CCNT1: variants seen among roughly 807,000 people sequenced by gnomAD.
The protein encoded by CCNT1 is cyclin-T1.
A neutral mutation model predicts 67.3 loss-of-function variants in CCNT1; 18 were observed. That is an observed-to-expected ratio of 0.27 (90% CI 0.18 to 0.40). CCNT1 has a LOEUF of 0.40. Ranked by LOEUF, CCNT1 falls within the 10% of genes least tolerant of loss-of-function variation. The pLI, the probability that CCNT1 is intolerant of heterozygous loss-of-function variation, is 1.00. For synonymous variants in CCNT1, 333 were observed against 310.3 expected, an observed-to-expected ratio of 1.07 and a Z score of -0.77; for missense variants, 744 against 884.9, an observed-to-expected ratio of 0.84 and a Z score of 2.02.
At position 48,693,352 on chromosome 12, in the gene CCNT1, C is replaced by T. The variant is rs1251189662; in HGVS notation, c.1862G>A (p.Ser621Asn). The change falls in exon 9 of 9, where the codon AGT becomes AAT. Residue 621 changes from serine (S) to asparagine (N), a missense_variant. Around this residue, in one of 3 missense-constraint regions of CCNT1, gnomAD observed 564 missense variants for 574.2 expected, o/e 0.98. Coordinates refer to ENST00000261900, the MANE Select transcript of CCNT1 (RefSeq NM_001240.4). Reference sequence around the variant, plus strand: ...GCTGGGCTGTGAAAAGGAAAGGCCACTTGTGTCTGAGCTATGCCCAGGCAT... The same window carrying T: ...GCTGGGCTGTGAAAAGGAAAGGCCATTTGTGTCTGAGCTATGCCCAGGCAT... ...GQMPGHSSDTSGLSFSQPSCK... is the reference protein window; with the variant it reads ...GQMPGHSSDTNGLSFSQPSCK... 4.3e-6 allele frequency: 7 copies of T among 1,614,098 alleles called. No homozygotes were observed. In the African/African-American group the frequency reaches 9.3e-5, roughly 22 times the overall value.
At chr12:48,701,337 T>C (rs1940265820) in intron 3 of CCNT1, among the ~76,000 whole-genome samples, 1 of 148,472 alleles carries the variant, frequency 6.7e-6, no homozygotes, top group South Asian at 2.2e-4. Flanking sequence ...GCAATTCCCC[T>C]GCCTCAGCCT....
rs201549674 is a variant in CCNT1, at chr12:48,701,516, TA to T, written c.373-444del. Among the ~76,000 whole-genome samples, 363 of 152,274 alleles carry T rather than the reference TA, an allele frequency of 2.4e-3. 6 individuals are homozygous for T. The East Asian group carries it at 0.03, about 13-fold the overall frequency. The stretch of plus-strand genomic sequence containing the variant: ...ATATATGGCTACAGAAAAAGCACCA[TA>T]TATTTGGTTCATTTTCAGGTTAATA... On this transcript the variant is annotated intron_variant, in intron 3 of 8. Coordinates refer to ENST00000261900, the MANE Select transcript of CCNT1 (RefSeq NM_001240.4).
At chr12:48,696,277 T>C (rs1410330633) in intron 6 of CCNT1, 115 bp from the exon 7 acceptor site, 1 of 580,814 alleles carries the variant, frequency 1.7e-6, no homozygotes. Context: ...GGCTTAAAAA[T>C]AGACAGGAGA....
chr12:48,690,640 G>C lies in CCNT1; in HGVS notation c.*2393C>G, dbSNP rs1256092962. ...GACCTATGTCAGCAATGATCTACTA[G>C]TGCAAAGGCCGGACTACACGGCACA... On this transcript the variant is annotated 3_prime_UTR_variant, in exon 9 of 9. Coordinates refer to ENST00000261900, the MANE Select transcript of CCNT1 (RefSeq NM_001240.4). 6.6e-6 allele frequency: 1 copy of C among 152,204 alleles called. No homozygotes were observed. Among genetic ancestry groups the C allele is most frequent in the African/African-American group, 2.4e-5 (1 of 41,442 alleles). 9.4% of individuals were successfully genotyped at this position (152,204 alleles called of 1,614,324 possible). A position where few individuals can be genotyped will look rare whatever the true frequency, so the allele number is the denominator to read the frequency against.
chr12:48,703,357 TCAGGTCAGGAGTTCGAGACCA>T (rs1399585487), intron 3 of CCNT1, among the ~76,000 whole-genome samples: 1 of 151,528 alleles, frequency 6.6e-6, no homozygotes, highest in Non-Finnish European at 1.5e-5. Flanking sequence ...GTGGATAACC[TCAGGTCAGGAGTTCGAGACCA>T]GCCTGACCAA....
chr12:48,707,490 G>C (rs1592124669), intron 2 of CCNT1, among the ~76,000 whole-genome samples: 1 of 151,720 alleles, frequency 6.6e-6, no homozygotes, highest in South Asian at 2.1e-4. Context: ...TCCCTACATT[G>C]TCCAGGCTGC....
chr12:48,713,227 G>T lies in CCNT1; in HGVS notation c.243+1216C>A, dbSNP rs571416996. On this transcript the variant is annotated intron_variant, in intron 2 of 8. Transcript: ENST00000261900. ...TTTTTTTTTTTTTTGTAGAAACGGG[G>T]TCTCACCGTGTTGCCCAGGCTGGTC... Among the ~76,000 whole-genome samples the T allele has an allele frequency of 2.1e-5, 3 of 145,368 alleles. No individual in the cohort carries two copies. The Middle Eastern group carries it at 0.011, about 519-fold the overall frequency.
At chr12:48,705,461 C>T (rs1236490754) in intron 3 of CCNT1, among the ~76,000 whole-genome samples, 2 of 150,554 alleles carry the variant, frequency 1.3e-5, no homozygotes, top group East Asian at 2.0e-4. Context: ...AATATAGAGA[C>T]AGGGTCTTGC....
chr12:48,714,738 A>C (rs1940507984), intron 1 of CCNT1, among the ~76,000 whole-genome samples: 1 of 152,282 alleles, frequency 6.6e-6, no homozygotes, highest in Admixed American at 6.5e-5. Context: ...CACATAACAA[A>C]TATTTAATAT....
intron 4 of CCNT1, among the ~76,000 whole-genome samples, chr12:48,700,687 A>G (rs954259299): frequency 2.6e-5 from 4 of 152,370 alleles, no homozygotes; most frequent in South Asian, 2.1e-4. Context: ...GTTACAGGCC[A>G]TAACAATCCA....
chr12:48,708,977 T>C (rs1015476520), intron 2 of CCNT1, among the ~76,000 whole-genome samples: 14 of 152,068 alleles, frequency 9.2e-5, no homozygotes, highest in Non-Finnish European at 1.5e-4. Context: ...GTAGTCTTGG[T>C]AAGGTGGAAG....
rs753595809 is a variant in CCNT1, at chr12:48,693,740, T to C, written c.1474A>G (p.Lys492Glu). Residue 492 changes from lysine (K) to glutamate (E), a missense_variant, in exon 9 of 9, where the codon AAG becomes GAG. Around this residue, in one of 3 missense-constraint regions of CCNT1, gnomAD observed 564 missense variants for 574.2 expected, o/e 0.98. Coordinates refer to ENST00000261900, the MANE Select transcript of CCNT1 (RefSeq NM_001240.4). The part of the protein sequence containing the change: ...MRIKVHAAAD[K>E]HNSVEDSVTK... ...ACACTGTCCTCTACAGAATTGTGCT[T>C]ATCAGCTGCAGCATGGACTTTTATG... is the stretch of plus-strand genomic sequence containing the variant. The C allele has an allele frequency of 6.2e-7, 1 of 1,614,168 alleles. No homozygotes were observed. Among genetic ancestry groups the C allele is most frequent in the Admixed American group, 1.7e-5 (1 of 60,020 alleles).
chr12:48,698,657 TAAG>T (rs1331210873), intron 5 of CCNT1, among the ~76,000 whole-genome samples: 6 of 152,172 alleles, frequency 3.9e-5, no homozygotes, highest in Admixed American at 3.9e-4. Context: ...CTTTTGCTGT[TAAG>T]AAAGTTTTTA....
In CCNT1 at chr12:48,691,944, C is replaced by G. The variant is rs1940081197; in HGVS notation, c.*1089G>C. 1 of 152,080 alleles carries G rather than the reference C, an allele frequency of 6.6e-6. No individual in the cohort carries two copies. The highest frequency in any genetic ancestry group is 1.5e-5 in the Non-Finnish European group (1 of 68,026). 9.4% of individuals were successfully genotyped at this position (152,080 alleles called of 1,614,324 possible). ...CCCATATGGTTTGGGCTTTCACAGG[C>G]AGGATATACATAGCACATTCCCCAT... On this transcript the variant is annotated 3_prime_UTR_variant, in exon 9 of 9. Transcript: ENST00000261900.
chr12:48,716,598 A>T lies in CCNT1; in HGVS notation c.78T>A (p.Arg26=). 1.2e-6 allele frequency: 2 copies of T among 1,614,242 alleles called. No individual in the cohort carries two copies. Among genetic ancestry groups the T allele is most frequent in the Admixed American group, 3.3e-5 (2 of 60,026 alleles). ...GTTCTTTATCTGGGTCCACGCCAAA[A>T]CGACGGGATGGGCTATTTTCCAGCT... ...REQLENSPSR[R]FGVDPDKELS... is the part of the protein sequence containing the mutation. The change falls in exon 1 of 9, where the codon CGT becomes CGA. Residue 26 remains arginine, a synonymous_variant. Coordinates refer to ENST00000261900, the MANE Select transcript of CCNT1 (RefSeq NM_001240.4).
intron 2 of CCNT1, among the ~76,000 whole-genome samples, chr12:48,709,012 G>A (rs1940407959): frequency 6.6e-6 from 1 of 152,170 alleles, no homozygotes; most frequent in Non-Finnish European, 1.5e-5. Flanking sequence ...AGGACATGGA[G>A]GCTGCAGTGA....
At chr12:48,695,503 A>G (rs1940156401) in intron 8 of CCNT1, among the ~76,000 whole-genome samples, 1 of 152,188 alleles carries the variant, frequency 6.6e-6, no homozygotes, top group Non-Finnish European at 1.5e-5. Context: ...CAGTTTCCAC[A>G]CAGAAAATAC....
rs144581111 is a variant in CCNT1, at chr12:48,698,020, C to A, written c.542+118G>T. ...AGTACCATGGAAATTTAAAGTACAACATGAAAACTGTGCAGAAAAATCAAC... is the reference window on the plus strand; with the variant it reads ...AGTACCATGGAAATTTAAAGTACAAAATGAAAACTGTGCAGAAAAATCAAC... On this transcript the variant is annotated intron_variant, in intron 6 of 8. Coordinates refer to ENST00000261900, the MANE Select transcript of CCNT1 (RefSeq NM_001240.4). The A allele has an allele frequency of 3.5e-4, 201 of 576,512 alleles. No homozygotes were observed. The African/African-American group carries it at 3.5e-3, about 10-fold the overall frequency. The allele number at this position is 576,512 out of a possible 1,614,324, so 35.7% of individuals were successfully genotyped here.
At chr12:48,705,497 T>A (rs923034976) in intron 3 of CCNT1, 10 of 337,994 alleles carry the variant, frequency 3.0e-5, no homozygotes, top group Non-Finnish European at 4.8e-5. Flanking sequence ...GGTCTTAAAC[T>A]TCTGGCCTAA....
Sources: allele counts gnomAD v4.1 joint callset (sites outside exome capture counted in the v4.1 genomes callset), GRCh38; gene constraint gnomAD v4.1.1; regional missense constraint gnomAD v4.1.1; transcripts MANE v1.5; gene names NCBI Gene and HGNC (gene_info 2026-07-23, HGNC 2026-07-21).